The following RSRC2 variants were observed in gnomAD, a reference collection of about 807,000 sequenced individuals.
RSRC2 encodes the protein arginine/serine-rich coiled-coil protein 2.
Under a neutral mutation model 61.3 loss-of-function variants are expected in RSRC2, and 5 were observed. The ratio of observed to expected loss-of-function variants is 0.08; its 90% confidence interval spans 0.04 to 0.17. RSRC2 has a LOEUF of 0.17. Ranked by LOEUF, RSRC2 falls within the 10% of genes least tolerant of loss-of-function variation. RSRC2 has a pLI of 1.00. For synonymous variants in RSRC2, 202 were observed against 166.5 expected (o/e 1.21, Z -1.64); for missense variants, 381 against 518.8 (o/e 0.73, Z 2.58).
chr12:122,504,040 C>T lies in RSRC2; in HGVS notation c.*1487G>A, dbSNP rs1034169649. 4 of 151,758 alleles carry T rather than the reference C, an allele frequency of 2.6e-5. No individual in the cohort carries two copies. The allele number at this position is 151,758 out of a possible 1,614,324, so 9.4% of individuals were successfully genotyped here. On this transcript the variant is annotated 3_prime_UTR_variant, in exon 10 of 10. Coordinates refer to ENST00000331738, the MANE Select transcript of RSRC2 (RefSeq NM_023012.6). Reference sequence around the variant, plus strand: ...CTGCTGCAATGCACTGCACTCCAGCCTAGGACAGAAAGCAAAAAAAAAGAA... The same window carrying T: ...CTGCTGCAATGCACTGCACTCCAGCTTAGGACAGAAAGCAAAAAAAAAGAA...
chr12:122,513,746 G>C (rs1037748992), intron 6 of RSRC2: 4 of 982,492 alleles, frequency 4.1e-6, no homozygotes, highest in Non-Finnish European at 4.8e-6. Flanking sequence ...TAAGGTGAAT[G>C]GAAAGAAGGG....
At position 122,506,770 on chromosome 12, in the gene RSRC2, G is replaced by A. The variant is rs59953159; in HGVS notation, c.1125+64C>T. On this transcript the variant is annotated intron_variant, in intron 9 of 9. Transcript: ENST00000331738. Reference sequence around the variant, plus strand: ...GTAAAGACCAGAACTAAGAAAATGAGGGAAGAACAGTGCAGGAGGGCTAAT... The same window carrying A: ...GTAAAGACCAGAACTAAGAAAATGAAGGAAGAACAGTGCAGGAGGGCTAAT... The A allele has an allele frequency of 4.8e-4, 457 of 958,724 alleles. 1 individual carries two copies. The African/African-American group carries it at 6.8e-3, about 14-fold the overall frequency. 59.4% of individuals were successfully genotyped at this position (958,724 alleles called of 1,614,324 possible). A position where few individuals can be genotyped will look rare whatever the true frequency, so the allele number is the denominator to read the frequency against.
At chr12:122,514,853 G>A (rs1165030468) in intron 6 of RSRC2, 1 of 683,778 alleles carries the variant, frequency 1.5e-6, no homozygotes, top group East Asian at 4.6e-5. Flanking sequence ...ATATTTGGGA[G>A]TCTAAATTTG....
intron 1 of RSRC2, chr12:122,523,123 G>C (rs1213211909): frequency 6.6e-6 from 1 of 152,148 alleles, no homozygotes; most frequent in Non-Finnish European, 1.5e-5. Flanking sequence ...GTATGGCCTT[G>C]AGCTAGGAAT....
At chr12:122,525,046 C>T (rs1159061663) in intron 1 of RSRC2, among the ~76,000 whole-genome samples, 5 of 152,112 alleles carry the variant, frequency 3.3e-5, no homozygotes, top group African/African-American at 9.7e-5. Context: ...GAACAAGGCA[C>T]GGCATAAATA....
intron 1 of RSRC2, among the ~76,000 whole-genome samples, chr12:122,525,084 T>C (rs1177830241): frequency 6.6e-6 from 1 of 152,102 alleles, no homozygotes; most frequent in Non-Finnish European, 1.5e-5. Context: ...TTTAAAATAC[T>C]AGAACCCGGC....
At chr12:122,513,786 T>C (rs1317004204) in intron 6 of RSRC2, 3 of 985,246 alleles carry the variant, frequency 3.0e-6, no homozygotes, top group Admixed American at 6.1e-5. Context: ...GCTGTTCAGC[T>C]GCAGTTTCTG....
In RSRC2 at chr12:122,517,158, C is replaced by G. The variant is rs934455925; in HGVS notation, c.602+69G>C. 6 of 1,603,438 alleles carry G rather than the reference C, an allele frequency of 3.7e-6. No homozygotes were observed. The African/African-American group carries it at 8.0e-5, about 21-fold the overall frequency. ...TTGTGACTCACAATTTTAATACTCT[C>G]TTACTGAGGAAGATAAACAGACTCT... On this transcript the variant is annotated intron_variant, in intron 5 of 9. Coordinates refer to ENST00000331738, the MANE Select transcript of RSRC2 (RefSeq NM_023012.6).
intron 8 of RSRC2, chr12:122,507,198 T>C (rs998039389): frequency 2.5e-6 from 1 of 398,654 alleles, no homozygotes; most frequent in African/African-American, 2.1e-5. Context: ...GATGACTAGG[T>C]GAAACCCCGT....
At chr12:122,516,374 T>C (rs1958927122) in intron 5 of RSRC2, among the ~76,000 whole-genome samples, 2 of 152,220 alleles carry the variant, frequency 1.3e-5, no homozygotes, top group Admixed American at 1.3e-4. Context: ...TAAATCTAAA[T>C]TGTGTTCATT....
At chr12:122,513,248 A>T (rs974691207) in intron 6 of RSRC2, among the ~76,000 whole-genome samples, 1 of 147,466 alleles carries the variant, frequency 6.8e-6, no homozygotes, top group South Asian at 2.1e-4. Flanking sequence ...AATAAATAAA[A>T]TAAAATAAAA....
chr12:122,505,777 T>A, intron 9 of RSRC2, 71 bp from the exon 10 acceptor site: 3 of 1,366,168 alleles, frequency 2.2e-6, no homozygotes, highest in Non-Finnish European at 3.0e-6. Flanking sequence ...GACACTATTT[T>A]TTATGTATTT....
Position 122,515,209 on chromosome 12 carries a change from A to C in RSRC2, c.621T>G (p.Ile207Met), listed in dbSNP as rs1958814479. ...TTCTGCTAAATCTTCTCGGCTTTTC[A>C]ATTCTCTTCTTTCTATCTCTGTAGT... is the stretch of plus-strand genomic sequence containing the variant. ...RSRSRDRKKRIEKPRRFSRSL... is the reference protein window; with the variant it reads ...RSRSRDRKKRMEKPRRFSRSL... Residue 207 changes from isoleucine to methionine, a missense_variant, in exon 6 of 10, where the codon ATT becomes ATG. This residue lies in a region of RSRC2 where 266 missense variants were observed against 270.5 expected (regional missense o/e 0.98). Coordinates refer to ENST00000331738, the MANE Select transcript of RSRC2 (RefSeq NM_023012.6). 1 of 1,613,780 alleles carries C rather than the reference A, an allele frequency of 6.2e-7. No individual in the cohort carries two copies. Among genetic ancestry groups the C allele is most frequent in the African/African-American group, 1.3e-5 (1 of 74,918 alleles).
Position 122,508,551 on chromosome 12 carries a change from A to G in RSRC2, c.806-104T>C, listed in dbSNP as rs571775041. 26 of 908,584 alleles carry G rather than the reference A, an allele frequency of 2.9e-5. No individual in the cohort carries two copies. The Admixed American group carries it at 5.9e-4, about 21-fold the overall frequency. The allele number at this position is 908,584 out of a possible 1,614,324, so 56.3% of individuals were successfully genotyped here. On this transcript the variant is annotated intron_variant, in intron 7 of 9. Coordinates refer to ENST00000331738, the MANE Select transcript of RSRC2 (RefSeq NM_023012.6). ...TATAAAAAGCTATGAATGTGCAAAA[A>G]GGCAGGATTTTCACCAAATCCAAGG...
rs780190058 is a variant in RSRC2 at position 122,518,956 on chromosome 12, G to A, written c.281C>T (p.Ser94Phe). The A allele has an allele frequency of 3.7e-6, 6 of 1,613,520 alleles. No homozygotes were observed. The highest frequency in any genetic ancestry group is 2.2e-5 in the East Asian group (1 of 44,864). ...TAGTCGCTCTCTTCCTTTATCAGAA[G>A]AATGTTCTTTGTCATTATGTTCCTC... Reference protein sequence around the residue: ...KSEEHNDKEHSSDKGRERLNS... With the variant: ...KSEEHNDKEHFSDKGRERLNS... Residue 94 changes from serine (S) to phenylalanine (F), a missense_variant, in exon 4 of 10, where the codon TCT (serine) becomes TTT (phenylalanine). Around this residue, in one of 4 missense-constraint regions of RSRC2, gnomAD observed 266 missense variants for 270.5 expected, o/e 0.98. Transcript: ENST00000331738.
chr12:122,511,254 A>G (rs1236439400), intron 6 of RSRC2, 66 bp from the exon 7 acceptor site: 2 of 1,212,240 alleles, frequency 1.6e-6, no homozygotes, highest in African/African-American at 1.5e-5. Flanking sequence ...ATATCTCTCT[A>G]TATGTGCATG....
At chr12:122,521,113 C>A in intron 3 of RSRC2, 1 of 354,034 alleles carries the variant, frequency 2.8e-6, no homozygotes, top group South Asian at 4.4e-5. Flanking sequence ...CTCTGTGTGA[C>A]AGGCCTAAAA....
At chr12:122,508,031 T>C in intron 8 of RSRC2, 187 bp downstream of exon 8, 1 of 652,714 alleles carries the variant, frequency 1.5e-6, no homozygotes, top group Middle Eastern at 4.1e-4. Flanking sequence ...CTTGGACTCC[T>C]TACCTCAACT....
intron 5 of RSRC2, among the ~76,000 whole-genome samples, chr12:122,515,885 A>T (rs937315564): frequency 8.5e-5 from 13 of 152,124 alleles, no homozygotes; most frequent in African/African-American, 3.1e-4. Context: ...GCTACTCGGG[A>T]GGCTGAGGCA....
Sources: gnomAD v4.1 joint callset for allele counts (sites outside exome capture counted in the v4.1 genomes callset) on GRCh38, gnomAD v4.1.1 for gene constraint, gnomAD v4.1.1 regional missense constraint, MANE v1.5 for transcripts, NCBI Gene and HGNC (gene_info 2026-07-23, HGNC 2026-07-21) for gene names.